GPC6: variants seen among roughly 807,000 people sequenced by gnomAD.
The protein encoded by GPC6 is glypican 6, also known as glypican-6.
A neutral mutation model predicts 55.2 loss-of-function variants in GPC6; 14 were observed. The observed-to-expected ratio is 0.25, with a 90% confidence interval of 0.17 to 0.40. GPC6 has a LOEUF of 0.40. Ranked by LOEUF, GPC6 falls within the 10% of genes least tolerant of loss-of-function variation. The pLI, the probability that GPC6 is intolerant of heterozygous loss-of-function variation, is 1.00. For synonymous variants in GPC6, 278 were observed against 259.6 expected, an observed-to-expected ratio of 1.07 and a Z score of -0.68; for missense variants, 641 against 708.5, an observed-to-expected ratio of 0.90 and a Z score of 1.08.
intron 4 of GPC6, among the ~76,000 whole-genome samples, chr13:94,226,573 CT>C (rs1890565778): frequency 6.6e-6 from 1 of 152,202 alleles, no homozygotes; most frequent in East Asian, 1.9e-4. Context: ...GTACCTGAGG[CT>C]CTTTTCTAAG....
intron 1 of GPC6, among the ~76,000 whole-genome samples, chr13:93,415,837 TC>T (rs1428395298): frequency 6.6e-6 from 1 of 152,148 alleles, no homozygotes; most frequent in East Asian, 1.9e-4. Flanking sequence ...GGTACGTGCA[TC>T]TTTTTTATTG....
At chr13:93,400,966 AG>A (rs1876048398) in intron 1 of GPC6, among the ~76,000 whole-genome samples, 1 of 152,174 alleles carries the variant, frequency 6.6e-6, no homozygotes, top group African/African-American at 2.4e-5. Flanking sequence ...CCTCTGGAAC[AG>A]GAAGAGGTTG....
intron 2 of GPC6, among the ~76,000 whole-genome samples, chr13:93,588,482 A>C (rs1395242858): frequency 6.6e-6 from 1 of 152,180 alleles, no homozygotes; most frequent in African/African-American, 2.4e-5. Context: ...TTTTGCTTAT[A>C]TAAACCTACC....
intron 4 of GPC6, among the ~76,000 whole-genome samples, chr13:94,252,958 G>GAA (rs3043533): frequency 2.9e-5 from 4 of 138,964 alleles, no homozygotes; most frequent in African/African-American, 1.1e-4. Context: ...GAATAAAAAA[G>GAA]AAAAAAAAAA....
At chr13:93,228,001 G>C (rs928615703) in intron 1 of GPC6, among the ~76,000 whole-genome samples, 1 of 152,168 alleles carries the variant, frequency 6.6e-6, no homozygotes, top group Non-Finnish European at 1.5e-5. Flanking sequence ...GGGCAAACTT[G>C]GAAGAACTGC....
chr13:93,466,951 A>G (rs1878926316), intron 1 of GPC6, among the ~76,000 whole-genome samples: 1 of 152,198 alleles, frequency 6.6e-6, no homozygotes, highest in African/African-American at 2.4e-5. Flanking sequence ...GAGAACAAGT[A>G]TTATCCTAAA....
At chr13:93,314,756 TGC>T (rs1190052119) in intron 1 of GPC6, among the ~76,000 whole-genome samples, 2 of 102,292 alleles carry the variant, frequency 2.0e-5, no homozygotes, top group African/African-American at 4.6e-5. Flanking sequence ...TGTGTGTGTG[TGC>T]ACGCATGTGC....
intron 2 of GPC6, among the ~76,000 whole-genome samples, chr13:93,731,513 A>G (rs911259622): frequency 4.6e-5 from 7 of 152,188 alleles, no homozygotes; most frequent in African/African-American, 1.7e-4. Context: ...TTAGCTTTCT[A>G]ATTACAGGAC....
At chr13:93,532,174 C>T (rs527371843) in intron 1 of GPC6, among the ~76,000 whole-genome samples, 5 of 152,290 alleles carry the variant, frequency 3.3e-5, no homozygotes, top group Middle Eastern at 3.4e-3. Flanking sequence ...CATGTTTTGT[C>T]GTCAGCTCTG....
chr13:93,403,967 T>C (rs1445456440), intron 1 of GPC6, among the ~76,000 whole-genome samples: 1 of 152,158 alleles, frequency 6.6e-6, no homozygotes, highest in Non-Finnish European at 1.5e-5. Context: ...TCTGTCTTCA[T>C]GGAATCATCT....
At chr13:93,324,932 T>A (rs1879601611) in intron 1 of GPC6, among the ~76,000 whole-genome samples, 1 of 152,034 alleles carries the variant, frequency 6.6e-6, no homozygotes, top group African/African-American at 2.4e-5. Flanking sequence ...TCAAAAGTGT[T>A]TTTTACTTTT....
chr13:93,682,615 T>C (rs1881888630), intron 2 of GPC6, among the ~76,000 whole-genome samples: 1 of 152,160 alleles, frequency 6.6e-6, no homozygotes, highest in Non-Finnish European at 1.5e-5. Context: ...TGGTACTAAG[T>C]AGTTCCTAAT....
At chr13:93,425,072 G>C (rs548178810) in intron 1 of GPC6, among the ~76,000 whole-genome samples, 92 of 152,062 alleles carry the variant, frequency 6.1e-4, no homozygotes, top group South Asian at 4.8e-3. Context: ...TACTTTGGGT[G>C]CAAGATTCAA....
chr13:94,003,324 G>C lies in GPC6; in HGVS notation c.712-24405G>C, dbSNP rs562310171. ...TAAGTTTAAGAACTTAAAAAAGTTT[G>C]AACCTTGTAAATCAGCCCTGTGAAT... On this transcript the variant is annotated intron_variant, in intron 3 of 8. Transcript: ENST00000377047. Among the ~76,000 whole-genome samples, 9 of 152,276 alleles carry C rather than the reference G, an allele frequency of 5.9e-5. No individual in the cohort carries two copies. The East Asian group carries it at 1.5e-3, about 26-fold the overall frequency.
At chr13:94,342,389 G>T (rs1369714364) in intron 6 of GPC6, among the ~76,000 whole-genome samples, 1 of 152,122 alleles carries the variant, frequency 6.6e-6, no homozygotes, top group African/African-American at 2.4e-5. Context: ...TTTGGACACG[G>T]AGACCCAGAG....
At chr13:93,999,510 A>G (rs763111846) in intron 3 of GPC6, among the ~76,000 whole-genome samples, 5 of 152,206 alleles carry the variant, frequency 3.3e-5, no homozygotes, top group Non-Finnish European at 5.9e-5. Context: ...ATGTCTTTAT[A>G]GTAGAATGAT....
chr13:93,707,749 A>G (rs1441213480), intron 2 of GPC6, among the ~76,000 whole-genome samples: 1 of 151,844 alleles, frequency 6.6e-6, no homozygotes, highest in African/African-American at 2.4e-5. Flanking sequence ...GCGATATGTA[A>G]GAGTAACACA....
chr13:94,091,299 G>A (rs1245137693), intron 4 of GPC6, among the ~76,000 whole-genome samples: 3 of 151,596 alleles, frequency 2.0e-5, no homozygotes, highest in Non-Finnish European at 2.9e-5. Flanking sequence ...TTTCTGTACC[G>A]GGATATAAAC....
chr13:94,342,513 C>G (rs545016529), intron 6 of GPC6, among the ~76,000 whole-genome samples: 51 of 152,298 alleles, frequency 3.3e-4, no homozygotes, highest in African/African-American at 1.2e-3. Context: ...GAGCAGTGCA[C>G]AGATCCTCCC....
Sources: gnomAD v4.1 joint callset for allele counts (sites outside exome capture counted in the v4.1 genomes callset) on GRCh38, gnomAD v4.1.1 for gene constraint, MANE v1.5 for transcripts, NCBI Gene and HGNC (gene_info 2026-07-23, HGNC 2026-07-21) for gene names.